Variants in SLC4A4 observed in about 807,000 individuals in gnomAD.
SLC4A4 encodes electrogenic sodium bicarbonate cotransporter 1.
SLC4A4 carries 27 observed loss-of-function variants against 111.5 expected under a neutral mutation model. The ratio of observed to expected loss-of-function variants is 0.24; its 90% CI spans 0.18 to 0.33. SLC4A4 has a LOEUF of 0.33. Ranked by LOEUF, SLC4A4 falls within the 10% of genes least tolerant of loss-of-function variation. The pLI is 1.00. For missense variants in SLC4A4, 909 were observed against 1,315.5 expected (o/e 0.69, Z 4.78); for synonymous variants, 443 against 463.4 (o/e 0.96, Z 0.57).
intron 3 of SLC4A4, among the ~76,000 whole-genome samples, chr4:71,316,988 C>T (rs536816628): frequency 1.3e-5 from 2 of 152,054 alleles, no homozygotes; most frequent in East Asian, 3.9e-4. Context: ...ACTCAAGTAA[C>T]AGGCTACAGG....
intron 16 of SLC4A4, among the ~76,000 whole-genome samples, chr4:71,521,589 A>G (rs1336016562): frequency 6.6e-6 from 1 of 152,140 alleles, no homozygotes; most frequent in Non-Finnish European, 1.5e-5. Context: ...GCAGGAAGCA[A>G]ATGGTATGCT....
intron 2 of SLC4A4, among the ~76,000 whole-genome samples, chr4:71,142,123 CA>C (rs1451767163): frequency 6.6e-6 from 1 of 152,148 alleles, no homozygotes; most frequent in Non-Finnish European, 1.5e-5. Context: ...ACTTCTGATA[CA>C]AACTATAGGT....
At chr4:71,391,399 C>T (rs1719246432) in intron 6 of SLC4A4, among the ~76,000 whole-genome samples, 1 of 152,096 alleles carries the variant, frequency 6.6e-6, no homozygotes, top group Non-Finnish European at 1.5e-5. Flanking sequence ...AATATGTACA[C>T]ATTCAAATAT....
intron 2 of SLC4A4, among the ~76,000 whole-genome samples, chr4:71,239,686 C>T (rs1720054772): frequency 6.6e-6 from 1 of 152,126 alleles, no homozygotes; most frequent in Non-Finnish European, 1.5e-5. Context: ...AGGCCTAAAC[C>T]TCATTGTCAC....
At chr4:71,126,985 ATAACT>A (rs968143135) in intron 2 of SLC4A4, among the ~76,000 whole-genome samples, 4 of 152,348 alleles carry the variant, frequency 2.6e-5, no homozygotes, top group African/African-American at 9.6e-5. Flanking sequence ...ATGGCTAATG[ATAACT>A]TAACTACACA....
chr4:71,289,956 C>A (rs1448139794), intron 3 of SLC4A4, among the ~76,000 whole-genome samples: 1 of 152,120 alleles, frequency 6.6e-6, no homozygotes, highest in Non-Finnish European at 1.5e-5. Context: ...ATTATTTAGG[C>A]AGCAACATCT....
intron 6 of SLC4A4, among the ~76,000 whole-genome samples, chr4:71,381,385 G>A (rs1157861671): frequency 1.3e-5 from 2 of 152,134 alleles, no homozygotes; most frequent in Non-Finnish European, 1.5e-5. Flanking sequence ...TCTAGAGCCT[G>A]TAAGAAAGTG....
At chr4:71,110,459 G>A (rs1187440973) in intron 2 of SLC4A4, among the ~76,000 whole-genome samples, 1 of 152,114 alleles carries the variant, frequency 6.6e-6, no homozygotes, top group African/African-American at 2.4e-5. Context: ...ACCCACCATG[G>A]TCTCCCAAAG....
At chr4:71,192,533 A>C (rs554263765) in intron 1 of SLC4A4, among the ~76,000 whole-genome samples, 111 of 152,344 alleles carry the variant, frequency 7.3e-4, no homozygotes, top group African/African-American at 2.6e-3. Context: ...ACAGCGTGGT[A>C]GTAAAGGAAG....
intron 8 of SLC4A4, among the ~76,000 whole-genome samples, chr4:71,445,755 T>C (rs1725168170): frequency 1.3e-5 from 2 of 152,218 alleles, no homozygotes; most frequent in South Asian, 4.1e-4. Context: ...TATTTTGCTT[T>C]AATCATTAAA....
rs542165549 is a variant in SLC4A4 at position 71,439,664 on chromosome 4, A to G, written c.808-952A>G. Among the ~76,000 whole-genome samples, 7 of 151,480 alleles carry G rather than the reference A, an allele frequency of 4.6e-5. No individual in the cohort carries two copies. The South Asian group carries it at 1.5e-3, about 32-fold the overall frequency. The stretch of plus-strand genomic sequence containing the variant: ...GTGTTCTCTGCCTATATCTTCTCCT[A>G]TTCCTATACAAATTAGGGTGACCCA... On this transcript the variant is annotated intron_variant, in intron 7 of 25. Coordinates refer to ENST00000264485, the MANE Select transcript of SLC4A4 (RefSeq NM_001098484.3).
At chr4:71,365,216 A>G (rs927282901) in intron 6 of SLC4A4, among the ~76,000 whole-genome samples, 2 of 152,192 alleles carry the variant, frequency 1.3e-5, no homozygotes, top group South Asian at 2.1e-4. Flanking sequence ...CGTTTATGCT[A>G]CCACATGTGA....
At chr4:71,458,958 T>G (rs2149088147) in intron 12 of SLC4A4, among the ~76,000 whole-genome samples, 1 of 152,160 alleles carries the variant, frequency 6.6e-6, no homozygotes, top group African/African-American at 2.4e-5. Context: ...AGATTGTCTG[T>G]TGGAATGACA....
chr4:71,374,950 C>T lies in SLC4A4; in HGVS notation c.730+17763C>T, dbSNP rs139390248. Among the ~76,000 whole-genome samples the T allele has an allele frequency of 1.1e-3, 162 of 152,218 alleles. 2 individuals carry two copies. The highest frequency in any genetic ancestry group is 3.6e-3 in the African/African-American group (151 of 41,556). On this transcript the variant is annotated intron_variant, in intron 6 of 25. Coordinates refer to ENST00000264485, the MANE Select transcript of SLC4A4 (RefSeq NM_001098484.3). ...TCCTTACCATCTTTCTCCCTTCTTTCGGACTTGGAACCTTAGCGTCAACTT... is the reference window on the plus strand; with the variant it reads ...TCCTTACCATCTTTCTCCCTTCTTTTGGACTTGGAACCTTAGCGTCAACTT...
At chr4:71,547,758 C>A in intron 20 of SLC4A4, 38 bp downstream of exon 20, 3 of 1,496,542 alleles carry the variant, frequency 2.0e-6, no homozygotes, top group East Asian at 2.3e-5. Flanking sequence ...CTTCTCAGAA[C>A]ACTGACATAT....
At chr4:71,262,179 C>T (rs972773581) in intron 3 of SLC4A4, among the ~76,000 whole-genome samples, 9 of 152,052 alleles carry the variant, frequency 5.9e-5, no homozygotes, top group African/African-American at 4.8e-5. Flanking sequence ...TGGCAAGGGT[C>T]TTCTTGAAAT....
At chr4:71,088,544 A>T (rs983386920) in intron 1 of SLC4A4, among the ~76,000 whole-genome samples, 1 of 151,926 alleles carries the variant, frequency 6.6e-6, no homozygotes, top group Non-Finnish European at 1.5e-5. Flanking sequence ...GGCTGGTACC[A>T]GTTGTTCCTT....
intron 1 of SLC4A4, among the ~76,000 whole-genome samples, chr4:71,195,498 C>G (rs939541800): frequency 1.3e-5 from 2 of 152,058 alleles, no homozygotes; most frequent in African/African-American, 4.8e-5. Context: ...TTTTCTGTTA[C>G]AGACATAATG....
intron 16 of SLC4A4, among the ~76,000 whole-genome samples, chr4:71,527,259 C>A (rs1733499811): frequency 6.6e-6 from 1 of 151,978 alleles, no homozygotes; most frequent in Non-Finnish European, 1.5e-5. Context: ...TGTAGTAAAC[C>A]ATATGAGATA....
Sources: allele counts gnomAD v4.1 joint callset (sites outside exome capture counted in the v4.1 genomes callset), GRCh38; gene constraint gnomAD v4.1.1; transcripts MANE v1.5; gene names NCBI Gene and HGNC (gene_info 2026-07-23, HGNC 2026-07-21).